Variants in CTNNA2 observed in about 807,000 individuals in gnomAD.
CTNNA2 encodes catenin alpha-2.
Under a neutral mutation model 101.0 loss-of-function variants are expected in CTNNA2, and 42 were observed. That is an observed-to-expected ratio of 0.42 (90% CI 0.32 to 0.54). The LOEUF is 0.54. CTNNA2 is among the 20% of genes least tolerant of loss of function. The probability of loss-of-function intolerance (pLI) is 0.14; values close to 1 mark genes in which losing one functional copy is unlikely to be tolerated. For missense variants in CTNNA2, 871 were observed against 1,223.1 expected (o/e 0.71, Z 4.29); for synonymous variants, 450 against 456.4 (o/e 0.99, Z 0.18).
intron 7 of CTNNA2, among the ~76,000 whole-genome samples, chr2:80,274,242 C>T (rs1673720143): frequency 6.6e-6 from 1 of 152,172 alleles, no homozygotes; most frequent in Non-Finnish European, 1.5e-5. Flanking sequence ...CTTTGGTTGT[C>T]TGAAGACGTA....
chr2:80,575,141 C>A (rs1043393908), intron 13 of CTNNA2: 2 of 152,112 alleles, frequency 1.3e-5, no homozygotes, highest in African/African-American at 4.8e-5. Context: ...ATCTTTATTT[C>A]TTCAAATATA....
intron 7 of CTNNA2, among the ~76,000 whole-genome samples, chr2:79,928,846 GA>G (rs1000268092): frequency 4.6e-5 from 7 of 151,544 alleles, no homozygotes; most frequent in South Asian, 2.1e-4. Context: ...AACAATACAT[GA>G]AAAAAAATGT....
intron 1 of CTNNA2, among the ~76,000 whole-genome samples, chr2:79,612,780 G>GA (rs1364679869): frequency 1.3e-5 from 2 of 151,994 alleles, no homozygotes; most frequent in Non-Finnish European, 2.9e-5. Context: ...ATCAAAGTTG[G>GA]AAAATACTAA....
intron 4 of CTNNA2, among the ~76,000 whole-genome samples, chr2:79,410,392 G>C (rs1678395626): frequency 6.7e-6 from 1 of 149,564 alleles, no homozygotes; most frequent in East Asian, 2.0e-4. Flanking sequence ...TTTTCAAAGG[G>C]AATGCTTCCA....
intron 7 of CTNNA2, among the ~76,000 whole-genome samples, chr2:79,942,751 G>A (rs1441547555): frequency 2.0e-5 from 3 of 152,212 alleles, no homozygotes; most frequent in South Asian, 4.1e-4. Flanking sequence ...TATCTGTCTG[G>A]CAACACATCT....
chr2:80,184,712 C>T (rs1187175165), intron 7 of CTNNA2, among the ~76,000 whole-genome samples: 1 of 152,122 alleles, frequency 6.6e-6, no homozygotes, highest in East Asian at 1.9e-4. Flanking sequence ...CTTTTCTATA[C>T]TTTAGTTTGT....
chr2:80,584,956 C>T (rs1363402964), intron 14 of CTNNA2, among the ~76,000 whole-genome samples: 1 of 152,066 alleles, frequency 6.6e-6, no homozygotes, highest in Non-Finnish European at 1.5e-5. Flanking sequence ...CAATTCACTT[C>T]ACAGCTAGAG....
intron 7 of CTNNA2, among the ~76,000 whole-genome samples, chr2:79,982,518 C>CAT (rs201790869): frequency 1.3e-5 from 2 of 150,696 alleles, no homozygotes; most frequent in Non-Finnish European, 3.0e-5. Context: ...CACACACACA[C>CAT]ATATATATAT....
chr2:79,218,352 T>TG lies in CTNNA2; in HGVS notation c.-406+20276_-406+20277insG, dbSNP rs1491322056. Among the ~76,000 whole-genome samples the TG allele has an allele frequency of 2.1e-3, 173 of 82,596 alleles. 1 individual carries two copies. Among genetic ancestry groups the TG allele is most frequent in the South Asian group, 6.9e-3 (16 of 2,322 alleles). The allele number at this position is 82,596 out of a possible 152,430, so 54.2% of individuals were successfully genotyped here. On this transcript the variant is annotated intron_variant, in intron 2 of 21. Coordinates refer to the CTNNA2 transcript ENST00000466387. ...GTGTGTGTGTGTGTGTGTGTGTGTA[T>TG]TTTTTTTTTTTTTAGAGACAGGATC...
chr2:80,558,196 T>C (rs906266292), intron 12 of CTNNA2, among the ~76,000 whole-genome samples: 2 of 152,218 alleles, frequency 1.3e-5, no homozygotes, highest in Admixed American at 6.5e-5. Context: ...AGAGCTAGAA[T>C]ACAAAGGTAT....
intron 7 of CTNNA2, among the ~76,000 whole-genome samples, chr2:80,276,282 A>G (rs1362904448): frequency 6.6e-6 from 1 of 152,174 alleles, no homozygotes; most frequent in Non-Finnish European, 1.5e-5. Context: ...AGTCCTTCAC[A>G]AGAGTGTCCC....
At chr2:80,170,952 A>C (rs1247756076) in intron 7 of CTNNA2, among the ~76,000 whole-genome samples, 2 of 152,188 alleles carry the variant, frequency 1.3e-5, no homozygotes, top group African/African-American at 2.4e-5. Flanking sequence ...AAAAATGTTT[A>C]ATAAAACTAG....
intron 1 of CTNNA2, chr2:79,523,407 T>G (rs1482132596): frequency 4.8e-6 from 1 of 207,940 alleles, no homozygotes; most frequent in African/African-American, 2.3e-5. Flanking sequence ...TAAAGATATC[T>G]CCACACTGGC....
chr2:79,446,195 C>G (rs987710423), intron 4 of CTNNA2, among the ~76,000 whole-genome samples: 6 of 151,822 alleles, frequency 4.0e-5, no homozygotes, highest in Non-Finnish European at 7.4e-5. Context: ...TCTGAAGCAT[C>G]TAATGCATAG....
chr2:79,415,242 C>G (rs1678464937), intron 4 of CTNNA2, among the ~76,000 whole-genome samples: 1 of 152,112 alleles, frequency 6.6e-6, no homozygotes, highest in African/African-American at 2.4e-5. Flanking sequence ...GTGGCACCTC[C>G]ACCACTCCGT....
chr2:80,544,439 C>A (rs562604853), intron 9 of CTNNA2, among the ~76,000 whole-genome samples: 5 of 152,052 alleles, frequency 3.3e-5, no homozygotes, highest in African/African-American at 1.2e-4. Context: ...TGCTACGAGC[C>A]TTTTTGTTAC....
upstream of CTNNA2, among the ~76,000 whole-genome samples, chr2:79,508,955 GTATATATATATATATATATATA>G (rs530470576): frequency 5.9e-3 from 537 of 90,944 alleles, 4 homozygotes; most frequent in African/African-American, 0.011. Flanking sequence ...CACCATTGCA[GTATATATATATATATATATATA>G]TATATATATA....
chr2:80,395,185 C>CATTTAA (rs1165613247), intron 8 of CTNNA2, among the ~76,000 whole-genome samples: 5 of 152,194 alleles, frequency 3.3e-5, no homozygotes. Flanking sequence ...GCTTAGGTGA[C>CATTTAA]AAGCTCCTTG....
At chr2:79,392,411 CA>C (rs1678183701) in intron 4 of CTNNA2, among the ~76,000 whole-genome samples, 1 of 152,158 alleles carries the variant, frequency 6.6e-6, no homozygotes, top group African/African-American at 2.4e-5. Context: ...GGTAAAACCT[CA>C]GAAAAGGATC....
Sources: gnomAD v4.1 joint callset for allele counts (sites outside exome capture counted in the v4.1 genomes callset) on GRCh38, gnomAD v4.1.1 for gene constraint, MANE v1.5 for transcripts, NCBI Gene and HGNC (gene_info 2026-07-23, HGNC 2026-07-21) for gene names.